The following DEPDC5 variants were observed in gnomAD, a reference collection of about 807,000 sequenced individuals.
The protein encoded by DEPDC5 is GATOR1 complex protein DEPDC5.
Under a neutral mutation model 217.3 loss-of-function variants are expected in DEPDC5, and 73 were observed. That is an observed-to-expected ratio of 0.34 (90% CI 0.28 to 0.41). The LOEUF (loss-of-function observed/expected upper bound fraction) is 0.41. Ranked by LOEUF, DEPDC5 falls within the 10% of genes least tolerant of loss-of-function variation. The pLI is 1.00. For missense variants in DEPDC5, 1,675 were observed against 2,070.1 expected (o/e 0.81, Z 3.70); for synonymous variants, 733 against 756.7 (o/e 0.97, Z 0.51).
rs947708229 is a variant in DEPDC5 at position 31,836,314 on chromosome 22, A to C, written c.2171-658A>C. 2.0e-5 allele frequency among the ~76,000 whole-genome samples: 3 copies of C among 152,230 alleles called. No individual in the cohort carries two copies. The East Asian group carries it at 5.8e-4, about 29-fold the overall frequency. On this transcript the variant is annotated intron_variant, in intron 25 of 42. Transcript: ENST00000651528. ...AGTCTCTGTTGTTGCCGAGGCTGAGAAACTCTGCTTTAACTGAGGAGCAGG... is the reference window on the plus strand; with the variant it reads ...AGTCTCTGTTGTTGCCGAGGCTGAGCAACTCTGCTTTAACTGAGGAGCAGG...
chr22:31,784,654 T>C, intron 9 of DEPDC5, 160 bp from the exon 10 acceptor site: 1 of 586,910 alleles, frequency 1.7e-6, no homozygotes, highest in Non-Finnish European at 3.0e-6. Flanking sequence ...AAAATACACC[T>C]TCTTTTTGGT....
intron 40 of DEPDC5, among the ~76,000 whole-genome samples, chr22:31,900,350 AT>A (rs1225181998): frequency 3.3e-5 from 5 of 151,902 alleles, no homozygotes; most frequent in African/African-American, 1.2e-4. Flanking sequence ...CCTGGCCCAA[AT>A]TTTTATTTTT....
chr22:31,870,959 A>G (rs2092824793), intron 34 of DEPDC5, among the ~76,000 whole-genome samples: 1 of 152,232 alleles, frequency 6.6e-6, no homozygotes, highest in African/African-American at 2.4e-5. Context: ...AGGTTCCCAC[A>G]GAGATGTAGG....
chr22:31,847,390 C>T (rs2054352491), intron 31 of DEPDC5, among the ~76,000 whole-genome samples: 1 of 151,670 alleles, frequency 6.6e-6, no homozygotes, highest in Admixed American at 6.6e-5. Flanking sequence ...TATATTAGTC[C>T]ATTCTCACAC....
intron 10 of DEPDC5, among the ~76,000 whole-genome samples, chr22:31,788,264 ATTTTTTTTTTTTTTT>A (rs75378797): frequency 1.1e-5 from 1 of 90,702 alleles, no homozygotes; most frequent in Admixed American, 1.2e-4. Flanking sequence ...GGATGACTGT[ATTTTTTTTTTTTTTT>A]TTTTTTTTTT....
chr22:31,906,169 G>C lies in DEPDC5; in HGVS notation c.4520-36G>C, dbSNP rs1044830657. The C allele has an allele frequency of 1.5e-5, 24 of 1,612,588 alleles. No individual in the cohort carries two copies. The highest frequency in any genetic ancestry group is 1.9e-5 in the Non-Finnish European group (22 of 1,179,128). ...CTCAGCAGGCTCCAGGAGCCCTCCT[G>C]GTGGCTGCCACACAGGCGCTCCCCT... On this transcript the variant is annotated intron_variant, in intron 42 of 42. Coordinates refer to ENST00000651528, the MANE Select transcript of DEPDC5 (RefSeq NM_001242896.3). This position sits in a 1 kb window ranked among gnomAD's most constrained non-coding sequence, Gnocchi z 5.1.
chr22:31,798,727 G>A, intron 14 of DEPDC5, 71 bp downstream of exon 14: 1 of 1,462,644 alleles, frequency 6.8e-7, no homozygotes, highest in Non-Finnish European at 9.4e-7. Context: ...AAGGTGTCCT[G>A]ATCCAGACCC....
chr22:31,871,977 A>G (rs938952276), intron 34 of DEPDC5, among the ~76,000 whole-genome samples: 1 of 152,252 alleles, frequency 6.6e-6, no homozygotes, highest in African/African-American at 2.4e-5. Context: ...AAGGAAGTTC[A>G]TTTCAAGGGT....
chr22:31,793,912 T>TA (rs1395178894), intron 12 of DEPDC5, among the ~76,000 whole-genome samples: 1 of 152,116 alleles, frequency 6.6e-6, no homozygotes, highest in Non-Finnish European at 1.5e-5. Context: ...TAGTAATAGT[T>TA]ACTGTTTTTA....
intron 33 of DEPDC5, 23 bp downstream of exon 33, chr22:31,861,456 G>T (rs375229288): frequency 3.2e-6 from 5 of 1,550,982 alleles, no homozygotes; most frequent in African/African-American, 1.4e-5. Context: ...CCAGGGCTTC[G>T]CATGCCTGTC....
rs775080915 is a variant in DEPDC5, at chr22:31,815,006, G to A, written c.1460G>A (p.Arg487Gln). Residue 487 changes from arginine to glutamine, a missense_variant, in exon 21 of 43, where the codon CGA becomes CAA. Physicochemically the swap from Arg to Gln is conservative, Grantham distance 43. Transcript: ENST00000651528. ...TTGCCTGGCAGATCTGTGCGAGAGC[G>A]AGAGAGTCACAGTCGAAAGAGTGCC... ...CLTTCRSVRE[R>Q]ESHSRKSASS... is the part of the protein sequence containing the mutation. 1.2e-5 allele frequency: 20 copies of A among 1,613,966 alleles called. No homozygotes were observed. Among genetic ancestry groups the A allele is most frequent in the South Asian group, 6.6e-5 (6 of 91,076 alleles).
In DEPDC5 at chr22:31,797,588, T is replaced by TA; in HGVS notation, c.768-11dup. ...CTGCTCAATATCCATTTTATGATAATACTCTTTTCAGAGTGGTGGTGCAGA... is the reference window on the plus strand; with the variant it reads ...CTGCTCAATATCCATTTTATGATAATAACTCTTTTCAGAGTGGTGGTGCAGA... On this transcript the variant is annotated splice_polypyrimidine_tract_variant and intron_variant, in intron 12 of 42. Coordinates refer to ENST00000651528, the MANE Select transcript of DEPDC5 (RefSeq NM_001242896.3). 1.3e-6 allele frequency: 2 copies of TA among 1,599,616 alleles called. No individual in the cohort carries two copies. Among genetic ancestry groups the TA allele is most frequent in the Non-Finnish European group, 1.7e-6 (2 of 1,166,804 alleles).
intron 29 of DEPDC5, chr22:31,844,801 T>A: frequency 2.4e-6 from 1 of 424,314 alleles, no homozygotes; most frequent in Non-Finnish European, 4.2e-6. Flanking sequence ...GCAATCCTCC[T>A]GCCTCGGCCT....
intron 32 of DEPDC5, chr22:31,858,352 G>C (rs111289957): frequency 1.3e-5 from 2 of 150,788 alleles, no homozygotes; most frequent in African/African-American, 2.5e-5. Flanking sequence ...CAATAAAGAA[G>C]CCAAAAACTC....
rs2082839289 is a variant in DEPDC5 at position 31,766,585 on chromosome 22, G to T, written c.280G>T (p.Asp94Tyr). The change falls in exon 6 of 43, where the codon GAT becomes TAT. Residue 94 changes from aspartate (D) to tyrosine (Y), a missense_variant and splice_region_variant. Physicochemically the swap from Asp to Tyr is radical, Grantham distance 160. Transcript: ENST00000651528. ...DVYVNVVDPK[D>Y]VTLDLVELTF... ...GATATCATTTGATTATTCCTTTTAG[G>T]ATGTGACCCTTGACCTAGTGGAATT... is the stretch of plus-strand genomic sequence containing the variant. 6.2e-7 allele frequency: 1 copy of T among 1,613,612 alleles called. No individual in the cohort carries two copies. The highest frequency in any genetic ancestry group is 8.5e-7 in the Non-Finnish European group (1 of 1,179,754).
chr22:31,839,669 C>T (rs1240943406), intron 27 of DEPDC5, among the ~76,000 whole-genome samples: 1 of 149,024 alleles, frequency 6.7e-6, no homozygotes, highest in Non-Finnish European at 1.5e-5. Context: ...GCTTTGGACT[C>T]CCCCTGGATT....
intron 12 of DEPDC5, 96 bp from the exon 13 acceptor site, chr22:31,797,504 C>T: frequency 1.0e-6 from 1 of 985,182 alleles, no homozygotes. Flanking sequence ...TCCCTCGACA[C>T]ATGGGTATTA....
At chr22:31,852,530 G>A (rs972255174) in intron 31 of DEPDC5, among the ~76,000 whole-genome samples, 2 of 151,938 alleles carry the variant, frequency 1.3e-5, no homozygotes, top group Admixed American at 6.6e-5. Context: ...GTAGAGATGG[G>A]TTTTCTCCGT....
chr22:31,874,481 C>A, intron 36 of DEPDC5, 76 bp downstream of exon 36: 1 of 1,492,044 alleles, frequency 6.7e-7, no homozygotes, highest in East Asian at 2.5e-5. Flanking sequence ...GAAGCCATCA[C>A]CCTTTCCAGT....
Sources: gnomAD v4.1 joint callset for allele counts (sites outside exome capture counted in the v4.1 genomes callset) on GRCh38, gnomAD v4.1.1 for gene constraint, Gnocchi (gnomAD v3.1) non-coding constraint, MANE v1.5 for transcripts, NCBI Gene and HGNC (gene_info 2026-07-23, HGNC 2026-07-21) for gene names.